The following KMO variants were observed in gnomAD, a reference collection of about 807,000 sequenced individuals.
KMO encodes kynurenine 3-hydroxylase.
KMO carries 24 observed loss-of-function variants against 57.8 expected under a neutral mutation model. The observed-to-expected ratio is 0.42, with a 90% CI of 0.30 to 0.58. The LOEUF (loss-of-function observed/expected upper bound fraction) is 0.58. Among genes scored for constraint, KMO ranks in the 20% least tolerant of loss-of-function variants. The probability of loss-of-function intolerance (pLI) is 0.22; values close to 1 mark genes in which losing one functional copy is unlikely to be tolerated. For missense variants in KMO, 483 were observed against 588.2 expected, an observed-to-expected ratio of 0.82 and a Z score of 1.85; for synonymous variants, 210 against 193.6, an observed-to-expected ratio of 1.08 and a Z score of -0.70.
intron 4 of KMO, among the ~76,000 whole-genome samples, chr1:241,554,684 A>G (rs912132183): frequency 6.6e-6 from 1 of 151,560 alleles, no homozygotes; most frequent in Non-Finnish European, 1.5e-5. Context: ...CAGGAGGAAA[A>G]AAGTGGCCGG....
Position 241,591,940 on chromosome 1 carries a change from T to C in KMO, c.1261-13T>C. On this transcript the variant is annotated splice_polypyrimidine_tract_variant and intron_variant, in intron 14 of 14. Transcript: ENST00000366559. The stretch of plus-strand genomic sequence containing the variant: ...TCTGGACAAATGAAATGAGAGTTCT[T>C]GCTGTCTTACAGGTGATAAACAAAG... The C allele has an allele frequency of 6.2e-7, 1 of 1,607,236 alleles. No homozygotes were observed. Among genetic ancestry groups the C allele is most frequent in the Non-Finnish European group, 8.5e-7 (1 of 1,174,360 alleles).
In KMO at chr1:241,571,910, A is replaced by G. The variant is rs147121902; in HGVS notation, c.957+3263A>G. On this transcript the variant is annotated intron_variant, in intron 10 of 14. Transcript: ENST00000366559. ...TGAGATGGAGTCTCGCTCTGTTGCC[A>G]GGCTGGAGTGCAGTGGTGCAATCTC... 1.7e-3 allele frequency among the ~76,000 whole-genome samples: 202 copies of G among 120,650 alleles called. 2 individuals carry two copies. In the South Asian group the frequency reaches 0.036, roughly 22 times the overall value. 79.2% of individuals were successfully genotyped at this position (120,650 alleles called of 152,430 possible).
chr1:241,548,906 C>G lies in KMO; in HGVS notation c.124+8C>G. The G allele has an allele frequency of 1.3e-6, 2 of 1,594,414 alleles. No individual in the cohort carries two copies. The highest frequency in any genetic ancestry group is 1.7e-6 in the Non-Finnish European group (2 of 1,163,186). On this transcript the variant is annotated splice_region_variant and intron_variant, in intron 2 of 14. Transcript: ENST00000366559. ...TATATGAAGCTAGGGAAGGTACGTCCATGGTGAAAAAAGCAGGATGAACGC... is the reference window on the plus strand; with the variant it reads ...TATATGAAGCTAGGGAAGGTACGTCGATGGTGAAAAAAGCAGGATGAACGC...
At chr1:241,539,660 C>T (rs1169683721) in intron 1 of KMO, among the ~76,000 whole-genome samples, 1 of 152,178 alleles carries the variant, frequency 6.6e-6, no homozygotes, top group Non-Finnish European at 1.5e-5. Context: ...TCCTCTTACG[C>T]TCTAGACCAT....
intron 1 of KMO, among the ~76,000 whole-genome samples, chr1:241,539,587 C>A (rs1660883037): frequency 6.6e-6 from 1 of 152,204 alleles, no homozygotes; most frequent in Non-Finnish European, 1.5e-5. Flanking sequence ...CCCAGTCAAT[C>A]TGAATCTCTT....
chr1:241,573,417 T>G (rs1283602884), intron 10 of KMO, among the ~76,000 whole-genome samples: 1 of 152,162 alleles, frequency 6.6e-6, no homozygotes. Flanking sequence ...GGTCTTAGGT[T>G]TAAGTCTTTT....
chr1:241,574,581 A>G (rs1662435676), intron 10 of KMO, among the ~76,000 whole-genome samples: 1 of 151,568 alleles, frequency 6.6e-6, no homozygotes, highest in Non-Finnish European at 1.5e-5. Flanking sequence ...ATTGACTTAC[A>G]TATGTTAAAC....
chr1:241,552,864 A>G (rs1404892314), intron 4 of KMO, among the ~76,000 whole-genome samples: 1 of 152,048 alleles, frequency 6.6e-6, no homozygotes, highest in East Asian at 1.9e-4. Flanking sequence ...GGGTCCTCCC[A>G]TCTTCTCCCC....
chr1:241,547,002 G>C (rs545098841), intron 1 of KMO, among the ~76,000 whole-genome samples: 2 of 152,134 alleles, frequency 1.3e-5, no homozygotes, highest in Non-Finnish European at 2.9e-5. Flanking sequence ...TTTCCAGAAG[G>C]TTTAGTTAAC....
chr1:241,559,233 A>T (rs904447914), intron 5 of KMO, among the ~76,000 whole-genome samples: 2 of 152,212 alleles, frequency 1.3e-5, no homozygotes, highest in African/African-American at 2.4e-5. Flanking sequence ...CCATACAGGC[A>T]ACACATCTCA....
At chr1:241,571,993 A>C (rs1368448146) in intron 10 of KMO, among the ~76,000 whole-genome samples, 1 of 145,332 alleles carries the variant, frequency 6.9e-6, no homozygotes, top group Non-Finnish European at 1.5e-5. Flanking sequence ...CAGCCTCCCC[A>C]GTAGCTGGGA....
chr1:241,552,175 TGA>T (rs35145528), intron 4 of KMO, among the ~76,000 whole-genome samples: 9,317 of 110,900 alleles, frequency 0.084, 375 homozygotes, highest in Non-Finnish European at 0.13. Context: ...TGAGTGTGTG[TGA>T]GAGAGAGAGA....
At chr1:241,532,533 GTAT>G (rs754037860) in intron 1 of KMO, 35 bp downstream of exon 1, 14 of 1,481,110 alleles carry the variant, frequency 9.5e-6, no homozygotes, top group Admixed American at 1.9e-5. Context: ...ATTGTTGGTG[GTAT>G]TATATTAACT....
Position 241,551,048 on chromosome 1 carries a change from G to A in KMO, c.312+4G>A, listed in dbSNP as rs1246274626. On this transcript the variant is annotated splice_donor_region_variant and intron_variant, in intron 4 of 14. Transcript: ENST00000366559. ...TCCCTATGGGACAAAGTCTCAGGTAGGTTTACCCCGGAGATCATTGTGCAT... is the reference window on the plus strand; with the variant it reads ...TCCCTATGGGACAAAGTCTCAGGTAAGTTTACCCCGGAGATCATTGTGCAT... The A allele has an allele frequency of 4.1e-6, 6 of 1,479,168 alleles. No individual in the cohort carries two copies. The highest frequency in any genetic ancestry group is 2.8e-5 in the African/African-American group (2 of 70,382). The allele number at this position is 1,479,168 out of a possible 1,614,324, so 91.6% of individuals were successfully genotyped here. A position where few individuals can be genotyped will look rare whatever the true frequency, so the allele number is the denominator to read the frequency against.
chr1:241,574,542 T>A (rs554214731), intron 10 of KMO, among the ~76,000 whole-genome samples: 31 of 151,930 alleles, frequency 2.0e-4, no homozygotes, highest in African/African-American at 7.2e-4. Context: ...GTTTTTTTTT[T>A]AATTCTGTTT....
chr1:241,540,265 G>A (rs6667667), intron 1 of KMO, among the ~76,000 whole-genome samples: 111,921 of 152,058 alleles, frequency 0.74, 42,457 homozygotes, highest in East Asian at 0.97. Flanking sequence ...TACAAGCCAT[G>A]CAAATATTAT....
Position 241,593,626 on chromosome 1 carries a change from A to G in KMO, c.*1473A>G, listed in dbSNP as rs544869986. On this transcript the variant is annotated 3_prime_UTR_variant, in exon 15 of 15. Transcript: ENST00000366559. ...ATTGACAAGAGAAAAACAAACATAA[A>G]TTTATTAGCGGGTATATGTAATATA... is the stretch of plus-strand genomic sequence containing the variant. 4.5e-6 allele frequency: 1 copy of G among 220,432 alleles called. No individual in the cohort carries two copies. Among genetic ancestry groups the G allele is most frequent in the South Asian group, 6.4e-5 (1 of 15,558 alleles). The allele number at this position is 220,432 out of a possible 1,614,324, so 13.7% of individuals were successfully genotyped here.
At chr1:241,577,778 G>C (rs535064307) in intron 10 of KMO, among the ~76,000 whole-genome samples, 2 of 152,320 alleles carry the variant, frequency 1.3e-5, no homozygotes, top group South Asian at 4.1e-4. Flanking sequence ...GGCTAAAGCA[G>C]GTGGGTAAAT....
At chr1:241,575,042 A>G in intron 10 of KMO, among the ~76,000 whole-genome samples, 1 of 151,948 alleles carries the variant, frequency 6.6e-6, no homozygotes, top group East Asian at 1.9e-4. Flanking sequence ...TAGGTTTTCC[A>G]GTATGTATGC....
Sources: gnomAD v4.1 joint callset for allele counts (sites outside exome capture counted in the v4.1 genomes callset) on GRCh38, gnomAD v4.1.1 for gene constraint, MANE v1.5 for transcripts, NCBI Gene and HGNC (gene_info 2026-07-23, HGNC 2026-07-21) for gene names.